PECAM1: variants seen among roughly 807,000 people sequenced by gnomAD.
PECAM1 encodes platelet and endothelial cell adhesion molecule 1, also known as platelet endothelial cell adhesion molecule.
In PECAM1, 8 loss-of-function variants were observed where a neutral mutation model predicts 13.8. That is an observed-to-expected ratio of 0.58 (90% confidence interval 0.34 to 1.05). The LOEUF is 1.05. PECAM1 is among the 50% of genes least tolerant of loss of function. The pLI is 0.03. For missense variants in PECAM1, 304 were observed against 141.2 expected, an observed-to-expected ratio of 2.15 and a Z score of -5.84; for synonymous variants, 136 against 52.6, an observed-to-expected ratio of 2.58 and a Z score of -6.86.
At chr17:64,382,428 A>G (rs2143897064) in intron 2 of PECAM1, among the ~76,000 whole-genome samples, 1 of 152,362 alleles carries the variant, frequency 6.6e-6, no homozygotes, top group South Asian at 2.1e-4. Flanking sequence ...GAATGTAAGT[A>G]TAAATGAGAA....
intron 15 of PECAM1, 55 bp downstream of exon 15, chr17:64,329,645 T>C (rs1273908412): frequency 5.5e-6 from 4 of 728,218 alleles, no homozygotes; most frequent in Non-Finnish European, 1.0e-5. Flanking sequence ...TCTGGAAATA[T>C]TTCACTGTTC....
intron 5 of PECAM1, among the ~76,000 whole-genome samples, chr17:64,366,271 G>C (rs1385145045): frequency 6.6e-6 from 1 of 151,970 alleles, no homozygotes; most frequent in Non-Finnish European, 1.5e-5. Flanking sequence ...AAACCGCTAT[G>C]AGATACCATC....
chr17:64,331,348 G>A (rs1187009885), intron 14 of PECAM1, among the ~76,000 whole-genome samples: 1 of 152,094 alleles, frequency 6.6e-6, no homozygotes, highest in African/African-American at 2.4e-5. Context: ...ACAATAGCCG[G>A]GTAATTTTTG....
intron 9 of PECAM1, among the ~76,000 whole-genome samples, 179 bp from the exon 10 acceptor site, chr17:64,353,697 T>C (rs2035784158): frequency 6.6e-6 from 1 of 151,880 alleles, no homozygotes; most frequent in South Asian, 2.1e-4. Flanking sequence ...ACGTTTGACT[T>C]CCCAGAAGAT....
At chr17:64,342,017 G>A (rs2035443601) in intron 13 of PECAM1, among the ~76,000 whole-genome samples, 1 of 152,056 alleles carries the variant, frequency 6.6e-6, no homozygotes, top group Non-Finnish European at 1.5e-5. Context: ...CGGGCATGGT[G>A]GTGCGTGCCT....
chr17:64,332,377 C>T (rs926277304), intron 14 of PECAM1, among the ~76,000 whole-genome samples: 3 of 152,046 alleles, frequency 2.0e-5, no homozygotes, highest in East Asian at 1.9e-4. Flanking sequence ...TTCCCAACAG[C>T]GAAAGAACCT....
chr17:64,332,783 G>A (rs2035161097), intron 14 of PECAM1, among the ~76,000 whole-genome samples: 2 of 152,200 alleles, frequency 1.3e-5, no homozygotes, highest in Admixed American at 6.5e-5. Flanking sequence ...ATACTGGGTG[G>A]CAGGGGATGC....
At chr17:64,390,339 A>G (rs2143931566) in intron 2 of PECAM1, 150 bp downstream of exon 2, 1 of 408,194 alleles carries the variant, frequency 2.4e-6, no homozygotes, top group African/African-American at 2.1e-5. Context: ...AAATGCCCAC[A>G]TGGGATAAAC....
intron 2 of PECAM1, among the ~76,000 whole-genome samples, chr17:64,385,743 AGGAAGTG>A (rs1309226842): frequency 2.6e-5 from 4 of 152,298 alleles, no homozygotes; most frequent in African/African-American, 9.6e-5. Flanking sequence ...AGGAGTCTGA[AGGAAGTG>A]ACCACTGAAC....
Position 64,377,999 on chromosome 17 carries a change from C to G in PECAM1, c.210G>C (p.Gln70His). 2 of 475,348 alleles carry G rather than the reference C, an allele frequency of 4.2e-6. No individual in the cohort carries two copies. The highest frequency in any genetic ancestry group is 7.7e-6 in the Non-Finnish European group (2 of 259,042). 29.4% of individuals were successfully genotyped at this position (475,348 alleles called of 1,614,324 possible). A position where few individuals can be genotyped will look rare whatever the true frequency, so the allele number is the denominator to read the frequency against. ...CATCCTTATAGAACAGCATCTGGTG[C>G]TGAGGCTTGACGTGAGAGGTGGTGC... ...DVSTTSHVKPQHQMLFYKDDV... is the reference protein window; with the variant it reads ...DVSTTSHVKPHHQMLFYKDDV... Residue 70 changes from glutamine (Q) to histidine (H), a missense_variant, in exon 3 of 16, where the codon CAG (glutamine) becomes CAC (histidine). Transcript: ENST00000563924.
At chr17:64,357,847 T>C (rs1260006799) in intron 7 of PECAM1, among the ~76,000 whole-genome samples, 3 of 152,166 alleles carry the variant, frequency 2.0e-5, no homozygotes, top group African/African-American at 7.2e-5. Context: ...GGCTTCACAT[T>C]AGCCTCTAAC....
intron 2 of PECAM1, among the ~76,000 whole-genome samples, chr17:64,383,862 C>T (rs984054755): frequency 1.1e-4 from 17 of 152,166 alleles, no homozygotes; most frequent in Admixed American, 4.6e-4. Context: ...CAGGGTGTGG[C>T]GGCTCACACC....
chr17:64,377,641 G>GAAGGAA (rs1598050577), intron 3 of PECAM1, 183 bp downstream of exon 3: 10 of 405,718 alleles, frequency 2.5e-5, no homozygotes, highest in East Asian at 7.0e-5. Flanking sequence ...AGGAAGGAAG[G>GAAGGAA]GCCTGGCCTA....
At chr17:64,365,000 G>A (rs2036071137) in intron 5 of PECAM1, among the ~76,000 whole-genome samples, 1 of 151,774 alleles carries the variant, frequency 6.6e-6, no homozygotes, top group Admixed American at 6.6e-5. Context: ...GGAAATAAAG[G>A]GTATTCAATT....
Position 64,390,718 on chromosome 17 carries a change from G to A in PECAM1, c.-53C>T, listed in dbSNP as rs2036701122. The A allele has an allele frequency of 7.1e-6, 3 of 424,484 alleles. No individual in the cohort carries two copies. The highest frequency in any genetic ancestry group is 8.6e-6 in the Non-Finnish European group (2 of 233,878). 26.3% of individuals were successfully genotyped at this position (424,484 alleles called of 1,614,324 possible). ...TAGTTCTGCCTTCGGGCCATGACTCGCTCAGCAGAAGGCACTGCCCACAAG... is the reference window on the plus strand; with the variant it reads ...TAGTTCTGCCTTCGGGCCATGACTCACTCAGCAGAAGGCACTGCCCACAAG... On this transcript the variant is annotated 5_prime_UTR_variant, in exon 1 of 16. Coordinates refer to ENST00000563924, the MANE Select transcript of PECAM1 (RefSeq NM_000442.5).
intron 2 of PECAM1, among the ~76,000 whole-genome samples, chr17:64,383,409 G>A (rs1419628021): frequency 6.6e-6 from 1 of 151,638 alleles, no homozygotes; most frequent in East Asian, 1.9e-4. Context: ...GTGGCTGAGG[G>A]CACAGAAGGG....
intron 5 of PECAM1, among the ~76,000 whole-genome samples, chr17:64,366,111 T>A (rs2036098430): frequency 7.0e-6 from 1 of 143,634 alleles, no homozygotes; most frequent in African/African-American, 2.5e-5. Flanking sequence ...TACAATGAAC[T>A]CAAACAAATT....
Position 64,390,827 on chromosome 17 carries a change from G to T in PECAM1, c.-162C>A. The T allele has an allele frequency of 5.0e-6, 2 of 397,184 alleles. No homozygotes were observed. The highest frequency in any genetic ancestry group is 7.1e-5 in the East Asian group (2 of 28,040). 24.6% of individuals were successfully genotyped at this position (397,184 alleles called of 1,614,324 possible). On this transcript the variant is annotated 5_prime_UTR_variant, in exon 1 of 16. Coordinates refer to ENST00000563924, the MANE Select transcript of PECAM1 (RefSeq NM_000442.5). The stretch of plus-strand genomic sequence containing the variant: ...CGCCTGCAGAGAGACCGGCTGTGGC[G>T]CTGGTCAGGTAATGGCAGCCATGGC...
At chr17:64,345,484 G>C (rs1162813144) in intron 13 of PECAM1, among the ~76,000 whole-genome samples, 1 of 151,998 alleles carries the variant, frequency 6.6e-6, no homozygotes, top group South Asian at 2.1e-4. Flanking sequence ...TGGTCAAGGC[G>C]GGTGGATCAC....
Sources: gnomAD v4.1 joint callset for allele counts (sites outside exome capture counted in the v4.1 genomes callset) on GRCh38, gnomAD v4.1.1 for gene constraint, MANE v1.5 for transcripts, NCBI Gene and HGNC (gene_info 2026-07-23, HGNC 2026-07-21) for gene names.